The following MGA variants were observed in gnomAD, a reference collection of about 807,000 sequenced individuals.
The protein encoded by MGA is MAX gene-associated protein.
In MGA, 40 loss-of-function variants were observed where a neutral mutation model predicts 261.1. The observed-to-expected ratio is 0.15, with a 90% CI of 0.12 to 0.20. The LOEUF (loss-of-function observed/expected upper bound fraction) is 0.20. MGA is among the 10% of genes least tolerant of loss of function. MGA has a pLI of 1.00. For synonymous variants in MGA, 1,302 were observed against 1,290.6 expected, an observed-to-expected ratio of 1.01 and a Z score of -0.19; for missense variants, 3,397 against 3,630.5, an observed-to-expected ratio of 0.94 and a Z score of 1.65.
intron 15 of MGA, among the ~76,000 whole-genome samples, chr15:41,747,628 C>T (rs1162633625): frequency 6.6e-6 from 1 of 151,306 alleles, no homozygotes; most frequent in East Asian, 1.9e-4. Context: ...CCTGGGAGTT[C>T]GAGGTGGCAG....
At chr15:41,710,068 C>T (rs1239691161) in intron 7 of MGA, among the ~76,000 whole-genome samples, 1 of 152,124 alleles carries the variant, frequency 6.6e-6, no homozygotes, top group Non-Finnish European at 1.5e-5. Flanking sequence ...CTCAGGTGAT[C>T]TGCCTGCCTC....
rs192867620 is a variant in MGA at position 41,707,760 on chromosome 15, A to G, written c.2221A>G (p.Met741Val). The G allele has an allele frequency of 6.8e-6, 11 of 1,611,782 alleles. No individual in the cohort carries two copies. The highest frequency in any genetic ancestry group is 6.7e-5 in the African/African-American group (5 of 74,980). The change falls in exon 6 of 24, where the codon ATG becomes GTG. Residue 741 changes from methionine (M) to valine (V), a missense_variant. Transcript: ENST00000219905. ...AAAATTGAATTCAGTGGATCCAACA[A>G]TGAGCATTGATCTTAAATACTTGGG...
chr15:41,636,511 A>C (rs931270716), intron 1 of MGA, among the ~76,000 whole-genome samples: 1 of 141,558 alleles, frequency 7.1e-6, no homozygotes, highest in Non-Finnish European at 1.5e-5. Flanking sequence ...CCCAGGCTGG[A>C]GTACAGTGGC....
At chr15:41,727,058 T>G in intron 9 of MGA, 122 bp from the exon 10 acceptor site, 3 of 669,672 alleles carry the variant, frequency 4.5e-6, no homozygotes. Flanking sequence ...GGGGGTCGTC[T>G]ATTTGATTAT....
upstream of MGA, among the ~76,000 whole-genome samples, chr15:41,657,111 A>G (rs564467848): frequency 2.0e-4 from 30 of 152,234 alleles, no homozygotes; most frequent in East Asian, 1.9e-4. Context: ...CTTTGGGTAC[A>G]TTATTAGCTC....
At chr15:41,621,976 T>C (rs1008183651) in intron 1 of MGA, among the ~76,000 whole-genome samples, 1 of 133,004 alleles carries the variant, frequency 7.5e-6, no homozygotes, top group African/African-American at 2.8e-5. Flanking sequence ...GCAGGGGGAG[T>C]GCTGGGGCCG....
At chr15:41,673,241 A>G (rs2058171144) in intron 2 of MGA, among the ~76,000 whole-genome samples, 1 of 151,638 alleles carries the variant, frequency 6.6e-6, no homozygotes, top group Non-Finnish European at 1.5e-5. Flanking sequence ...TTTTTGAGAC[A>G]GAGTCTTGCC....
At chr15:41,740,723 A>G (rs544448312) in intron 14 of MGA, among the ~76,000 whole-genome samples, 1 of 152,338 alleles carries the variant, frequency 6.6e-6, no homozygotes, top group South Asian at 2.1e-4. Context: ...TTATGAAACC[A>G]AGGAGCTAGC....
rs991133548 is a variant in MGA at position 41,713,224 on chromosome 15, G to A, written c.3158G>A (p.Arg1053Gln). 6.2e-7 allele frequency: 1 copy of A among 1,613,854 alleles called. No individual in the cohort carries two copies. The highest frequency in any genetic ancestry group is 8.5e-7 in the Non-Finnish European group (1 of 1,179,906). Reference sequence around the variant, plus strand: ...CCTCCCTGCAACAATGACTTCTGTCGACTGGGTTGTGTATGTTCCAGTCTA... The same window carrying A: ...CCTCCCTGCAACAATGACTTCTGTCAACTGGGTTGTGTATGTTCCAGTCTA... The change falls in exon 9 of 24, where the codon CGA becomes CAA. Residue 1053 changes from arginine (R) to glutamine (Q), a missense_variant. Transcript: ENST00000219905.
intron 9 of MGA, chr15:41,718,595 A>C: frequency 2.9e-6 from 1 of 345,978 alleles, no homozygotes; most frequent in South Asian, 8.4e-5. Flanking sequence ...AGTGAGCATC[A>C]ATAAGATGTT....
chr15:41,703,927 C>T (rs1413525064), intron 5 of MGA, among the ~76,000 whole-genome samples: 1 of 152,066 alleles, frequency 6.6e-6, no homozygotes, highest in Non-Finnish European at 1.5e-5. Flanking sequence ...CACATGTCAG[C>T]CCCCCAAGTA....
intron 15 of MGA, among the ~76,000 whole-genome samples, chr15:41,746,771 A>T (rs1055365241): frequency 2.6e-5 from 4 of 151,896 alleles, no homozygotes; most frequent in African/African-American, 9.7e-5. Context: ...CGTTAAGCTA[A>T]AGTCTTTGTT....
chr15:41,670,841 GCTT>G (rs528706098), intron 2 of MGA, among the ~76,000 whole-genome samples: 3 of 151,946 alleles, frequency 2.0e-5, no homozygotes, highest in Non-Finnish European at 4.4e-5. Flanking sequence ...ATAATTTTAA[GCTT>G]CTTCTTTGGT....
Position 41,727,194 on chromosome 15 carries a change from G to C in MGA, c.3445G>C (p.Glu1149Gln). 1 of 1,613,598 alleles carries C rather than the reference G, an allele frequency of 6.2e-7. No homozygotes were observed. The highest frequency in any genetic ancestry group is 8.5e-7 in the Non-Finnish European group (1 of 1,179,724). Residue 1149 changes from glutamate to glutamine, a missense_variant, in exon 10 of 24, where the codon GAG becomes CAG. Physicochemically the swap from Glu to Gln is conservative, Grantham distance 29 (BLOSUM62 2). Coordinates refer to ENST00000219905, the MANE Select transcript of MGA (RefSeq NM_001164273.2). ...TTTTTGTTAAGCTATATGTGAGACA[G>C]AGCCTGAACAGCCTGTTCGACATTA...
chr15:41,720,672 A>C (rs1035419619), intron 9 of MGA, among the ~76,000 whole-genome samples: 1 of 152,096 alleles, frequency 6.6e-6, no homozygotes, highest in Non-Finnish European at 1.5e-5. Context: ...TCTCTACTAA[A>C]AATACAAAAA....
chr15:41,686,079 A>AT (rs1159749558), intron 2 of MGA, among the ~76,000 whole-genome samples: 1 of 152,016 alleles, frequency 6.6e-6, no homozygotes. Flanking sequence ...AGTTTTACTA[A>AT]TTTATAGAGT....
At chr15:41,667,916 G>T (rs1020178160) in intron 1 of MGA, among the ~76,000 whole-genome samples, 3 of 152,080 alleles carry the variant, frequency 2.0e-5, no homozygotes, top group African/African-American at 7.2e-5. Flanking sequence ...TGATTCTCAT[G>T]CCTCAGCCTC....
chr15:41,711,743 TGG>T (rs1347884844), intron 8 of MGA, among the ~76,000 whole-genome samples: 1 of 152,216 alleles, frequency 6.6e-6, no homozygotes, highest in East Asian at 1.9e-4. Flanking sequence ...TTGCCCAGGC[TGG>T]AGTGCAGTGG....
rs989060946 is a variant in MGA at position 41,716,646 on chromosome 15, T to TA, written c.3430+3158dup. ...CAAAAAGATAGGTGGAAACTGAGGG[T>TA]AAAAAAAAGTAAGTTATGAAATTGA... is the stretch of plus-strand genomic sequence containing the variant. On this transcript the variant is annotated intron_variant, in intron 9 of 23. Coordinates refer to ENST00000219905, the MANE Select transcript of MGA (RefSeq NM_001164273.2). Among the ~76,000 whole-genome samples the TA allele has an allele frequency of 2.0e-5, 3 of 151,886 alleles. No homozygotes were observed. The East Asian group carries it at 5.8e-4, about 29-fold the overall frequency.
Sources: allele counts gnomAD v4.1 joint callset (sites outside exome capture counted in the v4.1 genomes callset), GRCh38; gene constraint gnomAD v4.1.1; transcripts MANE v1.5; gene names NCBI Gene and HGNC (gene_info 2026-07-23, HGNC 2026-07-21).